Variants in RPS6KA2 observed in about 807,000 individuals in gnomAD.
The protein encoded by RPS6KA2 is ribosomal protein S6 kinase A2.
A neutral mutation model predicts 91.8 loss-of-function variants in RPS6KA2; 42 were observed. The observed-to-expected ratio is 0.46, with a 90% CI of 0.36 to 0.59. RPS6KA2 has a LOEUF of 0.59. Among genes scored for constraint, RPS6KA2 ranks in the 20% least tolerant of loss-of-function variants. The probability of loss-of-function intolerance (pLI) is 0.00; values close to 1 mark genes in which losing one functional copy is unlikely to be tolerated. For synonymous variants in RPS6KA2, 414 were observed against 393.6 expected (o/e 1.05, Z -0.61); for missense variants, 798 against 978.5 (o/e 0.82, Z 2.46).
intron 2 of RPS6KA2, among the ~76,000 whole-genome samples, chr6:166,711,976 C>G (rs1397929597): frequency 6.6e-6 from 1 of 152,094 alleles, no homozygotes; most frequent in Non-Finnish European, 1.5e-5. Context: ...AGGAATGAAA[C>G]AGAGAATCAT....
At chr6:166,664,710 GT>G (rs1298066803) in intron 2 of RPS6KA2, among the ~76,000 whole-genome samples, 9 of 152,238 alleles carry the variant, frequency 5.9e-5, no homozygotes, top group Non-Finnish European at 1.3e-4. Flanking sequence ...ACAAAATTCA[GT>G]TTTATACATT....
intron 1 of RPS6KA2, among the ~76,000 whole-genome samples, chr6:166,550,768 C>CGAGG (rs1484030312): frequency 6.6e-6 from 1 of 151,942 alleles, no homozygotes. Context: ...TTTGGGAGGC[C>CGAGG]AAGGCGGTCA....
chr6:166,422,760 C>A (rs921440861), intron 17 of RPS6KA2, among the ~76,000 whole-genome samples: 1 of 152,160 alleles, frequency 6.6e-6, no homozygotes, highest in African/African-American at 2.4e-5. Flanking sequence ...CAAATCACCC[C>A]GGAGCCCTGC....
intron 2 of RPS6KA2, among the ~76,000 whole-genome samples, chr6:166,853,610 AC>A (rs34443494): frequency 0.14 from 21,445 of 152,248 alleles, 1,768 homozygotes; most frequent in Non-Finnish European, 0.17. Context: ...GTCCTATCCC[AC>A]CAAAGATCCA....
At chr6:166,758,299 C>G (rs1007942730) in intron 2 of RPS6KA2, among the ~76,000 whole-genome samples, 1 of 152,248 alleles carries the variant, frequency 6.6e-6, no homozygotes, top group Admixed American at 6.5e-5. Context: ...GAGACACAGG[C>G]ACGTGCACAT....
chr6:166,455,740 C>T (rs557437082), intron 12 of RPS6KA2, among the ~76,000 whole-genome samples: 3 of 152,326 alleles, frequency 2.0e-5, no homozygotes, highest in South Asian at 2.1e-4. Context: ...CCTGCTACAC[C>T]CGGTTTGCTC....
chr6:166,531,578 A>G (rs1329638283), intron 2 of RPS6KA2, among the ~76,000 whole-genome samples: 4 of 152,246 alleles, frequency 2.6e-5, no homozygotes, highest in Non-Finnish European at 5.9e-5. Flanking sequence ...TATGCCAGAA[A>G]TAATACCGCC....
At chr6:166,624,370 T>C (rs1297788153) in intron 1 of RPS6KA2, among the ~76,000 whole-genome samples, 2 of 152,244 alleles carry the variant, frequency 1.3e-5, no homozygotes, top group Non-Finnish European at 2.9e-5. Context: ...TGTTCAGTAC[T>C]TTGTGTCCTA....
At chr6:166,460,407 G>T (rs186853445) in intron 11 of RPS6KA2, among the ~76,000 whole-genome samples, 1 of 152,206 alleles carries the variant, frequency 6.6e-6, no homozygotes, top group Non-Finnish European at 1.5e-5. Flanking sequence ...GGAACCTGGC[G>T]TAGTCCTCAG....
chr6:166,693,237 GCCT>G (rs1469489863), intron 2 of RPS6KA2, among the ~76,000 whole-genome samples: 1 of 152,196 alleles, frequency 6.6e-6, no homozygotes, highest in Non-Finnish European at 1.5e-5. Context: ...ATTGGATTTT[GCCT>G]CCTATCACTG....
chr6:166,521,834 TC>T (rs895656991), intron 3 of RPS6KA2, among the ~76,000 whole-genome samples: 32 of 152,104 alleles, frequency 2.1e-4, no homozygotes, highest in African/African-American at 7.7e-4. Context: ...CTGTGTATGT[TC>T]CCCCCACTAA....
In RPS6KA2 at chr6:166,783,047, G is replaced by A. The variant is rs11970352; in HGVS notation, c.123+75153C>T. Among the ~76,000 whole-genome samples, 750 of 124,138 alleles carry A rather than the reference G, an allele frequency of 6.0e-3. 12 individuals carry two copies. The highest frequency in any genetic ancestry group is 0.027 in the African/African-American group (700 of 25,636). 81.4% of individuals were successfully genotyped at this position (124,138 alleles called of 152,430 possible). A position where few individuals can be genotyped will look rare whatever the true frequency, so the allele number is the denominator to read the frequency against. ...TAAACTTGCTGCAGGGTATCTTTTAGGTATTATTATTATTATTATTATTAT... is the reference window on the plus strand; with the variant it reads ...TAAACTTGCTGCAGGGTATCTTTTAAGTATTATTATTATTATTATTATTAT... On this transcript the variant is annotated intron_variant, in intron 2 of 21. Transcript: ENST00000503859.
At chr6:166,486,091 A>C (rs1382098047) in intron 10 of RPS6KA2, among the ~76,000 whole-genome samples, 4 of 152,222 alleles carry the variant, frequency 2.6e-5, no homozygotes, top group Non-Finnish European at 4.4e-5. Flanking sequence ...ACCCTGGCTA[A>C]CGACGACCGT....
chr6:166,707,697 A>T (rs556827975), intron 2 of RPS6KA2, among the ~76,000 whole-genome samples: 1 of 152,130 alleles, frequency 6.6e-6, no homozygotes, highest in Non-Finnish European at 1.5e-5. Context: ...AATTATGGTG[A>T]TCATTATTAC....
rs145244699 is a variant in RPS6KA2 at position 166,494,816 on chromosome 6, C to T, written c.747+3692G>A. 1.5e-3 allele frequency among the ~76,000 whole-genome samples: 226 copies of T among 152,344 alleles called. 1 individual carries two copies. The highest frequency in any genetic ancestry group is 5.3e-3 in the African/African-American group (219 of 41,576). On this transcript the variant is annotated intron_variant, in intron 8 of 20. Transcript: ENST00000265678. The surrounding 1 kb of genome is among the most constrained non-coding windows in gnomAD (Gnocchi z 5.1). ...TCCACCTCCAGGGGACGGACGGCCA[C>T]CCACACATGAGGACCACTCCCTCAG...
intron 2 of RPS6KA2, among the ~76,000 whole-genome samples, chr6:166,690,561 G>T (rs377495084): frequency 6.6e-6 from 1 of 152,176 alleles, no homozygotes; most frequent in South Asian, 2.1e-4. Context: ...GAAGACACGC[G>T]TCGGAACTCC....
At chr6:166,478,245 CTTATG>C (rs1221866288) in intron 10 of RPS6KA2, among the ~76,000 whole-genome samples, 2 of 152,188 alleles carry the variant, frequency 1.3e-5, no homozygotes, top group Non-Finnish European at 1.5e-5. Context: ...TGCTCACGTG[CTTATG>C]TTATAATAAG....
intron 2 of RPS6KA2, among the ~76,000 whole-genome samples, chr6:166,787,571 A>T (rs1403077925): frequency 2.6e-5 from 4 of 152,180 alleles, no homozygotes; most frequent in Admixed American, 2.0e-4. Context: ...TATTACATTT[A>T]AATTTATTTT....
intron 2 of RPS6KA2, among the ~76,000 whole-genome samples, chr6:166,654,621 C>T (rs772730418): frequency 1.5e-4 from 23 of 152,186 alleles, no homozygotes; most frequent in Non-Finnish European, 2.5e-4. Flanking sequence ...TGTCGAATCT[C>T]AACAGTATTC....
Sources: allele counts gnomAD v4.1 joint callset (sites outside exome capture counted in the v4.1 genomes callset), GRCh38; gene constraint gnomAD v4.1.1; non-coding constraint Gnocchi (gnomAD v3.1); transcripts MANE v1.5; gene names NCBI Gene and HGNC (gene_info 2026-07-23, HGNC 2026-07-21).